FBXL2: variants seen among roughly 807,000 people sequenced by gnomAD.
The protein encoded by FBXL2 is F-box and leucine rich repeat protein 2, also known as F-box/LRR-repeat protein 2.
Under a neutral mutation model 69.2 loss-of-function variants are expected in FBXL2, and 38 were observed. The ratio of observed to expected loss-of-function variants is 0.55; its 90% CI spans 0.42 to 0.72. The LOEUF is 0.72. FBXL2 is among the 30% of genes least tolerant of loss of function. FBXL2 has a pLI of 0.00. For synonymous variants in FBXL2, 192 were observed against 201.3 expected, an observed-to-expected ratio of 0.95 and a Z score of 0.39; for missense variants, 354 against 520.3, an observed-to-expected ratio of 0.68 and a Z score of 3.11.
At chr3:33,365,251 A>G (rs1380522437) in intron 5 of FBXL2, among the ~76,000 whole-genome samples, 1 of 150,462 alleles carries the variant, frequency 6.6e-6, no homozygotes, top group Non-Finnish European at 1.5e-5. Flanking sequence ...ATATTTGCCC[A>G]TCTCTTACTG....
intron 12 of FBXL2, chr3:33,402,976 C>T: frequency 2.3e-6 from 3 of 1,285,416 alleles, no homozygotes; most frequent in Non-Finnish European, 3.3e-6. Flanking sequence ...TTGTAATTCA[C>T]TCACTAACCA....
chr3:33,299,741 A>C (rs1011155418), intron 2 of FBXL2, among the ~76,000 whole-genome samples: 3 of 152,224 alleles, frequency 2.0e-5, no homozygotes, highest in African/African-American at 7.2e-5. Context: ...GGATTGTATG[A>C]AAAATATCAA....
chr3:33,299,337 C>T (rs12491883), intron 2 of FBXL2, among the ~76,000 whole-genome samples: 15,208 of 152,146 alleles, frequency 0.1, 795 homozygotes, highest in African/African-American at 0.12. Flanking sequence ...CCACTGCGCC[C>T]GGCCGGAATC....
intron 1 of FBXL2, among the ~76,000 whole-genome samples, chr3:33,285,768 T>C (rs925441301): frequency 2.6e-5 from 4 of 152,220 alleles, no homozygotes; most frequent in African/African-American, 9.6e-5. Flanking sequence ...ACTTCTGTTC[T>C]CACTTCATTT....
At chr3:33,288,581 G>T (rs796340169) in intron 1 of FBXL2, among the ~76,000 whole-genome samples, 1 of 152,186 alleles carries the variant, frequency 6.6e-6, no homozygotes, top group Non-Finnish European at 1.5e-5. Context: ...CCATGGGAAT[G>T]CCTGAAGAAA....
chr3:33,289,207 A>G (rs540441142), intron 1 of FBXL2, among the ~76,000 whole-genome samples: 18 of 152,318 alleles, frequency 1.2e-4, no homozygotes, highest in African/African-American at 3.4e-4. Context: ...AACAGCCTAT[A>G]CTACCTGTTG....
chr3:33,365,343 A>C (rs2041887035), intron 5 of FBXL2, among the ~76,000 whole-genome samples: 2 of 151,382 alleles, frequency 1.3e-5, no homozygotes, highest in Non-Finnish European at 2.9e-5. Flanking sequence ...GCAACGGCAC[A>C]ATCTCAACTC....
chr3:33,313,985 A>C (rs2037446639), intron 2 of FBXL2, among the ~76,000 whole-genome samples: 1 of 151,800 alleles, frequency 6.6e-6, no homozygotes, highest in East Asian at 1.9e-4. Flanking sequence ...ATGCTATTCC[A>C]TTTTCTTCTG....
intron 2 of FBXL2, among the ~76,000 whole-genome samples, chr3:33,298,355 G>A (rs902440072): frequency 1.3e-5 from 2 of 152,108 alleles, no homozygotes; most frequent in African/African-American, 2.4e-5. Context: ...GTTTTCTTTA[G>A]TATTATGCAA....
chr3:33,304,381 CTTGT>C (rs768064205), intron 2 of FBXL2, among the ~76,000 whole-genome samples: 2 of 151,930 alleles, frequency 1.3e-5, no homozygotes, highest in Admixed American at 6.6e-5. Flanking sequence ...TTTACTTTTG[CTTGT>C]TTATTAACTT....
chr3:33,409,529 C>T, the FBXL2 span: 2 of 1,614,170 alleles, frequency 1.2e-6, no homozygotes, highest in Non-Finnish European at 8.5e-7. Flanking sequence ...AAGGTGTCAA[C>T]CTGGATCCTA....
chr3:33,412,485 A>C, the FBXL2 span, among the ~76,000 whole-genome samples: 1 of 151,960 alleles, frequency 6.6e-6, no homozygotes, highest in East Asian at 1.9e-4. Flanking sequence ...TGGGAGGCTA[A>C]GGCAGGAAAA....
At chr3:33,412,064 G>A in the FBXL2 span, among the ~76,000 whole-genome samples, 6 of 151,970 alleles carry the variant, frequency 3.9e-5, no homozygotes, top group African/African-American at 1.4e-4. Context: ...GCGCGTGCCT[G>A]TAGTCCCAGC....
chr3:33,389,916 G>C (rs983635045), downstream of FBXL2: 2 of 167,978 alleles, frequency 1.2e-5, no homozygotes, highest in African/African-American at 4.8e-5. Context: ...CTCCTCTCCA[G>C]GTCAGCATAA....
intron 5 of FBXL2, among the ~76,000 whole-genome samples, chr3:33,371,326 G>C (rs2042290103): frequency 6.8e-6 from 1 of 147,820 alleles, no homozygotes; most frequent in Non-Finnish European, 1.5e-5. Flanking sequence ...CACCATACCA[G>C]CTAATTTTTT....
At chr3:33,375,462 G>A in intron 10 of FBXL2, 44 bp downstream of exon 10, 1 of 1,597,410 alleles carries the variant, frequency 6.3e-7, no homozygotes, top group Non-Finnish European at 8.6e-7. Flanking sequence ...GAGTTTGGCT[G>A]AGTTAACCAA....
chr3:33,375,401 G>C lies in FBXL2; in HGVS notation c.771G>C (p.Leu257Phe). Reference protein sequence around the residue: ...LTDASLTALGLNCPRLQILEA... With the variant: ...LTDASLTALGFNCPRLQILEA... The stretch of plus-strand genomic sequence containing the variant: ...ATGCCTCTCTTACAGCCCTGGGTTT[G>C]AACTGTCCGCGACTGCAGTGAGTAC... Residue 257 changes from leucine (L) to phenylalanine (F), a missense_variant, in exon 10 of 15, where the codon TTG becomes TTC. By Grantham distance (22) the Leu-to-Phe change is conservative (BLOSUM62 0). Coordinates refer to ENST00000484457, the MANE Select transcript of FBXL2 (RefSeq NM_012157.5). The C allele has an allele frequency of 1.2e-6, 2 of 1,614,182 alleles. No homozygotes were observed. The highest frequency in any genetic ancestry group is 1.1e-5 in the South Asian group (1 of 91,080).
chr3:33,309,430 C>T (rs897449942), intron 2 of FBXL2, among the ~76,000 whole-genome samples: 1 of 152,046 alleles, frequency 6.6e-6, no homozygotes, highest in African/African-American at 2.4e-5. Flanking sequence ...TATAGCTACT[C>T]TGTCTCTCTT....
intron 2 of FBXL2, among the ~76,000 whole-genome samples, chr3:33,343,623 AC>A (rs1305731510): frequency 2.0e-5 from 3 of 152,104 alleles, no homozygotes. Context: ...TCAGCAGGAC[AC>A]CTAGTCATGT....
Sources: allele counts gnomAD v4.1 joint callset (sites outside exome capture counted in the v4.1 genomes callset), GRCh38; gene constraint gnomAD v4.1.1; transcripts MANE v1.5; gene names NCBI Gene and HGNC (gene_info 2026-07-23, HGNC 2026-07-21).